GPATCH2: variants seen among roughly 807,000 people sequenced by gnomAD.
The protein encoded by GPATCH2 is G-patch domain containing 2, also known as G patch domain-containing protein 2.
GPATCH2 carries 51 observed loss-of-function variants against 58.0 expected under a neutral mutation model. That is an observed-to-expected ratio of 0.88 (90% CI 0.70 to 1.11). GPATCH2 has a LOEUF of 1.11. Among genes scored for constraint, GPATCH2 ranks in the 50% most tolerant of loss-of-function variants. GPATCH2 has a pLI of 0.00. For missense variants in GPATCH2, 625 were observed against 652.2 expected (o/e 0.96, Z 0.45); for synonymous variants, 222 against 218.5 (o/e 1.02, Z -0.14).
At chr1:217,608,744 T>C in intron 5 of GPATCH2, 1 of 982,482 alleles carries the variant, frequency 1.0e-6, no homozygotes, top group Non-Finnish European at 1.2e-6. Context: ...AGCATTTATG[T>C]AATTCAGAAA....
chr1:217,627,688 G>C (rs1669534252), intron 1 of GPATCH2, among the ~76,000 whole-genome samples: 1 of 151,748 alleles, frequency 6.6e-6, no homozygotes, highest in African/African-American at 2.4e-5. Context: ...ACCATGGTTT[G>C]CTCAAAATCA....
intron 8 of GPATCH2, among the ~76,000 whole-genome samples, chr1:217,469,535 CATAGTT>C (rs1660625343): frequency 6.6e-6 from 1 of 152,002 alleles, no homozygotes; most frequent in South Asian, 2.1e-4. Flanking sequence ...CTTTTAAAAA[CATAGTT>C]ATAACTCTTA....
At chr1:217,566,667 C>T (rs1297212288) in intron 5 of GPATCH2, among the ~76,000 whole-genome samples, 1 of 152,158 alleles carries the variant, frequency 6.6e-6, no homozygotes, top group Non-Finnish European at 1.5e-5. Context: ...CCAGTTTGAT[C>T]ACTTTGGGAA....
intron 6 of GPATCH2, among the ~76,000 whole-genome samples, chr1:217,507,061 A>G (rs1035179832): frequency 6.6e-6 from 1 of 152,204 alleles, no homozygotes; most frequent in South Asian, 2.1e-4. Flanking sequence ...TGTGAGAACC[A>G]CAACAACTGT....
intron 8 of GPATCH2, among the ~76,000 whole-genome samples, chr1:217,486,095 T>G (rs1419805814): frequency 6.6e-6 from 1 of 152,256 alleles, no homozygotes; most frequent in African/African-American, 2.4e-5. Flanking sequence ...ATTTAGATAG[T>G]ATTTAATCCA....
chr1:217,524,989 G>A (rs535140638), intron 5 of GPATCH2, among the ~76,000 whole-genome samples: 9 of 129,614 alleles, frequency 6.9e-5, no homozygotes, highest in South Asian at 2.7e-4. Context: ...AAAGCTTCTC[G>A]TGTGTGGGAA....
Position 217,618,848 on chromosome 1 carries a change from A to G in GPATCH2, c.773+935T>C, listed in dbSNP as rs112885560. 8.4e-3 allele frequency among the ~76,000 whole-genome samples: 1,284 copies of G among 152,114 alleles called. 20 individuals carry two copies. The highest frequency in any genetic ancestry group is 0.029 in the African/African-American group (1,205 of 41,524). ...CATGGTGGTGCACACAGGTAATCCC[A>G]GCTACTCCGGAGGCTGAGGCAGGAG... On this transcript the variant is annotated intron_variant, in intron 2 of 9. Transcript: ENST00000366935.
At chr1:217,603,099 G>A (rs1466307271) in intron 5 of GPATCH2, among the ~76,000 whole-genome samples, 1 of 151,982 alleles carries the variant, frequency 6.6e-6, no homozygotes, top group Non-Finnish European at 1.5e-5. Context: ...AAAAGTGTCT[G>A]GCACATAGTA....
At chr1:217,556,341 T>C (rs1333786356) in intron 5 of GPATCH2, among the ~76,000 whole-genome samples, 1 of 152,174 alleles carries the variant, frequency 6.6e-6, no homozygotes, top group Admixed American at 6.5e-5. Flanking sequence ...GGGCAACCAC[T>C]ACTGTGAATT....
At chr1:217,521,711 T>G (rs1663468621) in intron 5 of GPATCH2, among the ~76,000 whole-genome samples, 1 of 152,128 alleles carries the variant, frequency 6.6e-6, no homozygotes, top group Non-Finnish European at 1.5e-5. Flanking sequence ...GGGGGAAAAT[T>G]AGAGAACTTA....
intron 8 of GPATCH2, among the ~76,000 whole-genome samples, chr1:217,474,819 T>C (rs994325094): frequency 6.6e-5 from 10 of 152,138 alleles, no homozygotes; most frequent in African/African-American, 2.4e-4. Flanking sequence ...ACCTTTATGT[T>C]TTTCTACAAG....
rs1658385072 is a variant in GPATCH2 at position 217,427,671 on chromosome 1, G to C, written c.*3474C>G. Reference sequence around the variant, plus strand: ...ACTTAGATCACTTTTCTTTTTGAAAGACAAAATACAGGTGAAAACAGTTTT... The same window carrying C: ...ACTTAGATCACTTTTCTTTTTGAAACACAAAATACAGGTGAAAACAGTTTT... On this transcript the variant is annotated 3_prime_UTR_variant, in exon 10 of 10. Transcript: ENST00000366935. 6.6e-6 allele frequency: 1 copy of C among 151,984 alleles called. No individual in the cohort carries two copies. The highest frequency in any genetic ancestry group is 2.4e-5 in the African/African-American group (1 of 41,392). The allele number at this position is 151,984 out of a possible 1,614,324, so 9.4% of individuals were successfully genotyped here.
intron 5 of GPATCH2, among the ~76,000 whole-genome samples, chr1:217,595,926 A>T (rs1383113231): frequency 6.6e-6 from 1 of 152,060 alleles, no homozygotes; most frequent in African/African-American, 2.4e-5. Flanking sequence ...TAACCTTTAA[A>T]ATATATATAT....
intron 5 of GPATCH2, among the ~76,000 whole-genome samples, chr1:217,516,353 T>C (rs761797838): frequency 1.2e-4 from 19 of 152,206 alleles, no homozygotes; most frequent in Non-Finnish European, 2.6e-4. Flanking sequence ...CTTCTTCCCG[T>C]ATCACTTGGG....
At position 217,449,694 on chromosome 1, in the gene GPATCH2, G is replaced by T. The variant is rs531551665; in HGVS notation, c.1278-357C>A. On this transcript the variant is annotated intron_variant, in intron 8 of 9. Coordinates refer to ENST00000366935, the MANE Select transcript of GPATCH2 (RefSeq NM_018040.5). ...CAATATTGTTGCTAGGTTATCAATTGGTTACTAATGCTTTACTGTCAGAAC... is the reference window on the plus strand; with the variant it reads ...CAATATTGTTGCTAGGTTATCAATTTGTTACTAATGCTTTACTGTCAGAAC... Among the ~76,000 whole-genome samples the T allele has an allele frequency of 1.1e-3, 165 of 152,164 alleles. 1 individual carries two copies. Among genetic ancestry groups the T allele is most frequent in the Non-Finnish European group, 2.0e-3 (139 of 67,990 alleles).
intron 9 of GPATCH2, among the ~76,000 whole-genome samples, chr1:217,440,408 C>T (rs1433867629): frequency 6.6e-6 from 1 of 152,160 alleles, no homozygotes; most frequent in African/African-American, 2.4e-5. Flanking sequence ...CAATATCATA[C>T]TGAATGGGCA....
At chr1:217,535,621 G>A (rs1488866286) in intron 5 of GPATCH2, among the ~76,000 whole-genome samples, 3 of 152,194 alleles carry the variant, frequency 2.0e-5, no homozygotes, top group Non-Finnish European at 4.4e-5. Flanking sequence ...AAAATGCTGG[G>A]ATTACAGGCG....
chr1:217,618,206 A>G (rs1359102798), intron 2 of GPATCH2, among the ~76,000 whole-genome samples: 9 of 150,854 alleles, frequency 6.0e-5, no homozygotes, highest in African/African-American at 2.2e-4. Flanking sequence ...TAAACTTTTC[A>G]AAGCCCTCTG....
intron 5 of GPATCH2, among the ~76,000 whole-genome samples, chr1:217,584,261 G>A (rs12409325): frequency 0.22 from 33,004 of 146,726 alleles, 4,899 homozygotes; most frequent in East Asian, 0.64. Flanking sequence ...GGGAGGCCGA[G>A]GCGGGCAGAT....
Sources: gnomAD v4.1 joint callset for allele counts (sites outside exome capture counted in the v4.1 genomes callset) on GRCh38, gnomAD v4.1.1 for gene constraint, MANE v1.5 for transcripts, NCBI Gene and HGNC (gene_info 2026-07-23, HGNC 2026-07-21) for gene names.